DOK5: variants seen among roughly 807,000 people sequenced by gnomAD.
The protein encoded by DOK5 is docking protein 5, also known as downstream of tyrosine kinase 5.
Under a neutral mutation model 43.3 loss-of-function variants are expected in DOK5, and 27 were observed. That is an observed-to-expected ratio of 0.62 (90% CI 0.46 to 0.86). DOK5 has a LOEUF of 0.86. Ranked by LOEUF, DOK5 falls within the 40% of genes least tolerant of loss-of-function variation. The pLI, the probability that DOK5 is intolerant of heterozygous loss-of-function variation, is 0.00. For missense variants in DOK5, 373 were observed against 392.9 expected (o/e 0.95, Z 0.43); for synonymous variants, 146 against 140.1 (o/e 1.04, Z -0.30).
intron 2 of DOK5, among the ~76,000 whole-genome samples, chr20:54,559,947 A>G (rs1166525549): frequency 6.6e-6 from 1 of 152,074 alleles, no homozygotes; most frequent in African/African-American, 2.4e-5. Flanking sequence ...TCTCCCAAAC[A>G]CCTTTGGTCT....
At chr20:54,646,057 T>C (rs1487087650) in intron 7 of DOK5, among the ~76,000 whole-genome samples, 1 of 151,846 alleles carries the variant, frequency 6.6e-6, no homozygotes, top group African/African-American at 2.4e-5. Context: ...GTGAGTTAGA[T>C]TGGGTTGTCA....
At chr20:54,542,586 T>A (rs1302207350) in intron 1 of DOK5, among the ~76,000 whole-genome samples, 1 of 152,228 alleles carries the variant, frequency 6.6e-6, no homozygotes, top group African/African-American at 2.4e-5. Flanking sequence ...GCAAGAATGC[T>A]CTGAGCTGTT....
chr20:54,539,047 C>T (rs1185721611), intron 1 of DOK5, among the ~76,000 whole-genome samples: 1 of 152,042 alleles, frequency 6.6e-6, no homozygotes, highest in Non-Finnish European at 1.5e-5. Flanking sequence ...CTTTGGGAGG[C>T]CAAGGCGGGC....
chr20:54,607,927 A>G lies in DOK5; in HGVS notation c.600-2461A>G, dbSNP rs1452240341. Among the ~76,000 whole-genome samples the G allele has an allele frequency of 2.0e-5, 3 of 150,982 alleles. No homozygotes were observed. In the East Asian group the frequency reaches 5.8e-4, roughly 29 times the overall value. On this transcript the variant is annotated intron_variant, in intron 5 of 7. Transcript: ENST00000262593. ...AAAACAAAACAAAACAAAACAAAAC[A>G]AAGTGGGCATTGGGTAAGAGTGATT...
At chr20:54,527,356 G>A (rs1039500187) in intron 1 of DOK5, among the ~76,000 whole-genome samples, 4 of 152,150 alleles carry the variant, frequency 2.6e-5, no homozygotes, top group Non-Finnish European at 5.9e-5. Flanking sequence ...ATGTGCTTAG[G>A]ATTTTATGAA....
At chr20:54,516,673 C>A (rs538467075) in intron 1 of DOK5, among the ~76,000 whole-genome samples, 1 of 152,074 alleles carries the variant, frequency 6.6e-6, no homozygotes, top group East Asian at 1.9e-4. Context: ...TTTACACTGA[C>A]CCAAGATATA....
chr20:54,638,377 A>G (rs1978941477), intron 6 of DOK5, among the ~76,000 whole-genome samples: 1 of 152,122 alleles, frequency 6.6e-6, no homozygotes, highest in Non-Finnish European at 1.5e-5. Context: ...GCAGATGTGC[A>G]ATGGATTTCC....
intron 6 of DOK5, among the ~76,000 whole-genome samples, chr20:54,629,892 A>G (rs1978483294): frequency 6.6e-6 from 1 of 152,244 alleles, no homozygotes; most frequent in Non-Finnish European, 1.5e-5. Context: ...TTGCGTGTGC[A>G]TGTGCAAAGA....
intron 6 of DOK5, among the ~76,000 whole-genome samples, chr20:54,615,899 C>CA (rs71196458): frequency 0.12 from 16,834 of 144,712 alleles, 1,371 homozygotes; most frequent in African/African-American, 0.22. Flanking sequence ...GACTCCATCT[C>CA]AAAAAAAAAA....
At position 54,588,467 on chromosome 20, in the gene DOK5, A is replaced by G. The variant is rs780398778; in HGVS notation, c.175-16A>G. 3 of 1,608,830 alleles carry G rather than the reference A, an allele frequency of 1.9e-6. No homozygotes were observed. The African/African-American group carries it at 4.0e-5, about 22-fold the overall frequency. On this transcript the variant is annotated splice_polypyrimidine_tract_variant and intron_variant, in intron 2 of 7. Transcript: ENST00000262593. Reference sequence around the variant, plus strand: ...CATTCAGGGAGTGTGTCAAACTTCTAATTGTTCATTTTCAGGTTACAGAAC... The same window carrying G: ...CATTCAGGGAGTGTGTCAAACTTCTGATTGTTCATTTTCAGGTTACAGAAC...
intron 1 of DOK5, among the ~76,000 whole-genome samples, chr20:54,477,317 T>A (rs544805880): frequency 9.9e-5 from 15 of 152,236 alleles, no homozygotes; most frequent in Non-Finnish European, 2.2e-4. Context: ...GCAATTATTA[T>A]AAAACTCTTG....
At chr20:54,521,387 C>T (rs1158489253) in intron 1 of DOK5, among the ~76,000 whole-genome samples, 2 of 152,104 alleles carry the variant, frequency 1.3e-5, no homozygotes, top group African/African-American at 4.8e-5. Flanking sequence ...TCCCAGCCTA[C>T]CCACACCTGT....
intron 2 of DOK5, among the ~76,000 whole-genome samples, chr20:54,567,992 C>A (rs1305255565): frequency 6.6e-6 from 1 of 152,042 alleles, no homozygotes; most frequent in Admixed American, 6.6e-5. Flanking sequence ...TCATTTTTGG[C>A]CTATGATATG....
chr20:54,604,040 G>C (rs899960025), intron 5 of DOK5, among the ~76,000 whole-genome samples: 1 of 140,864 alleles, frequency 7.1e-6, no homozygotes, highest in African/African-American at 2.7e-5. Flanking sequence ...TCCGCCTCCC[G>C]GGTTCACGCC....
intron 1 of DOK5, among the ~76,000 whole-genome samples, chr20:54,493,471 T>C (rs1229126730): frequency 6.6e-6 from 1 of 152,194 alleles, no homozygotes; most frequent in Non-Finnish European, 1.5e-5. Context: ...AATCTTTTTC[T>C]GACATATCCC....
chr20:54,621,690 A>G (rs1325543813), intron 6 of DOK5, among the ~76,000 whole-genome samples: 1 of 149,010 alleles, frequency 6.7e-6, no homozygotes, highest in Non-Finnish European at 1.5e-5. Context: ...CTCGGCCTCA[A>G]AAAAAAAAAA....
rs1442623904 is a variant in DOK5, at chr20:54,475,738, A to G, written c.-209A>G. ...CGCGCCGCGCTCTGCGCTCCCCGAAAGTGGCTGCAAGCCGGCCGCCCACTG... is the reference window on the plus strand; with the variant it reads ...CGCGCCGCGCTCTGCGCTCCCCGAAGGTGGCTGCAAGCCGGCCGCCCACTG... On this transcript the variant is annotated 5_prime_UTR_variant, in exon 1 of 8. Coordinates refer to ENST00000262593, the MANE Select transcript of DOK5 (RefSeq NM_018431.5). The surrounding 1 kb of genome is among the most constrained non-coding windows in gnomAD (Gnocchi z 4.2). The G allele has an allele frequency of 2.0e-5, 13 of 638,530 alleles. No individual in the cohort carries two copies. The highest frequency in any genetic ancestry group is 3.2e-5 in the Non-Finnish European group (12 of 379,170). The allele number at this position is 638,530 out of a possible 1,614,324, so 39.6% of individuals were successfully genotyped here. A position where few individuals can be genotyped will look rare whatever the true frequency, so the allele number is the denominator to read the frequency against.
chr20:54,535,872 C>T (rs1404534312), intron 1 of DOK5, among the ~76,000 whole-genome samples: 1 of 152,142 alleles, frequency 6.6e-6, no homozygotes, highest in Non-Finnish European at 1.5e-5. Context: ...TAATAAACCT[C>T]TTATATAAAT....
At chr20:54,604,747 T>C (rs1459915089) in intron 5 of DOK5, among the ~76,000 whole-genome samples, 1 of 152,138 alleles carries the variant, frequency 6.6e-6, no homozygotes, top group Non-Finnish European at 1.5e-5. Flanking sequence ...ATGCCTGTAA[T>C]CCCAGCACTT....
Sources: gnomAD v4.1 joint callset for allele counts (sites outside exome capture counted in the v4.1 genomes callset) on GRCh38, gnomAD v4.1.1 for gene constraint, Gnocchi (gnomAD v3.1) non-coding constraint, MANE v1.5 for transcripts, NCBI Gene and HGNC (gene_info 2026-07-23, HGNC 2026-07-21) for gene names.